NAALADL2: variants seen among roughly 807,000 people sequenced by gnomAD.
NAALADL2 encodes the protein N-acetylated alpha-linked acidic dipeptidase like 2, also known as inactive N-acetylated-alpha-linked acidic dipeptidase-like protein 2.
In NAALADL2, 76 loss-of-function variants were observed where a neutral mutation model predicts 87.2. The ratio of observed to expected loss-of-function variants is 0.87; its 90% CI spans 0.72 to 1.05. The LOEUF (loss-of-function observed/expected upper bound fraction) is 1.05. Ranked by LOEUF, NAALADL2 falls within the 50% of genes least tolerant of loss-of-function variation. The pLI, the probability that NAALADL2 is intolerant of heterozygous loss-of-function variation, is 0.00. For missense variants in NAALADL2, 1,089 were observed against 945.8 expected (o/e 1.15, Z -1.99); for synonymous variants, 354 against 331.0 (o/e 1.07, Z -0.75).
At chr3:175,455,619 T>C (rs750522329) in intron 6 of NAALADL2, among the ~76,000 whole-genome samples, 1 of 152,106 alleles carries the variant, frequency 6.6e-6, no homozygotes, top group African/African-American at 2.4e-5. Context: ...TACTTGCACA[T>C]ATGGATGTGA....
At chr3:175,612,133 T>C (rs886839942) in intron 10 of NAALADL2, among the ~76,000 whole-genome samples, 26 of 152,168 alleles carry the variant, frequency 1.7e-4, no homozygotes, top group African/African-American at 6.3e-4. Context: ...AATAGAAATA[T>C]ATACATAATT....
At chr3:174,443,728 A>G (rs555709510) in intron 1 of NAALADL2, among the ~76,000 whole-genome samples, 6 of 152,298 alleles carry the variant, frequency 3.9e-5, no homozygotes, top group Admixed American at 6.5e-5. Context: ...CGTCAGCATT[A>G]TGAGATGAGG....
intron 2 of NAALADL2, among the ~76,000 whole-genome samples, chr3:174,571,429 T>G (rs1022562505): frequency 2.0e-5 from 3 of 151,936 alleles, no homozygotes; most frequent in Non-Finnish European, 4.4e-5. Context: ...CAGGCTGGAG[T>G]GTAATGGCGT....
At chr3:175,249,906 C>T (rs1052689445) in intron 3 of NAALADL2, among the ~76,000 whole-genome samples, 6 of 152,084 alleles carry the variant, frequency 3.9e-5, no homozygotes, top group Non-Finnish European at 7.4e-5. Context: ...CAGTGGCTCA[C>T]GCCTGTAATC....
chr3:175,087,318 C>T (rs932539505), intron 1 of NAALADL2, among the ~76,000 whole-genome samples: 2 of 152,286 alleles, frequency 1.3e-5, no homozygotes, highest in Middle Eastern at 3.4e-3. Flanking sequence ...CTGCCCCTTC[C>T]GGGAAGGAGG....
chr3:175,191,261 A>T (rs6776395), intron 2 of NAALADL2, among the ~76,000 whole-genome samples: 4,464 of 152,214 alleles, frequency 0.029, 198 homozygotes, highest in African/African-American at 0.1. Context: ...TATTTTTTTA[A>T]AAAATCCCAA....
intron 3 of NAALADL2, among the ~76,000 whole-genome samples, chr3:175,252,680 C>T (rs1017062690): frequency 1.3e-5 from 2 of 152,138 alleles, no homozygotes; most frequent in Admixed American, 1.3e-4. Context: ...CAAGCTAGAT[C>T]CCTTGTGTCA....
At chr3:174,532,736 C>T (rs1455751820) in intron 1 of NAALADL2, among the ~76,000 whole-genome samples, 2 of 151,984 alleles carry the variant, frequency 1.3e-5, no homozygotes, top group South Asian at 2.1e-4. Flanking sequence ...CTTTACTGAA[C>T]GTTCTTAGCT....
chr3:174,475,995 A>AAAAC (rs1473218706), intron 1 of NAALADL2, among the ~76,000 whole-genome samples: 22 of 152,092 alleles, frequency 1.4e-4, no homozygotes, highest in Non-Finnish European at 1.0e-4. Context: ...ATAACACTGT[A>AAAAC]TTAGATCTTA....
chr3:175,051,586 C>G lies in NAALADL2; in HGVS notation c.44-45204C>G, dbSNP rs188561490. Among the ~76,000 whole-genome samples, 458 of 152,310 alleles carry G rather than the reference C, an allele frequency of 3.0e-3. 1 individual carries two copies. Among genetic ancestry groups the G allele is most frequent in the African/African-American group, 0.01 (431 of 41,576 alleles). On this transcript the variant is annotated intron_variant, in intron 1 of 13. Transcript: ENST00000454872. ...TTCTTCAAGGTCAGCAGAAGAGTCT[C>G]TCGATCAGTTAGCTAAGGCAGAGGT...
At chr3:175,274,112 G>C (rs1753245335) in intron 4 of NAALADL2, among the ~76,000 whole-genome samples, 1 of 152,144 alleles carries the variant, frequency 6.6e-6, no homozygotes, top group Non-Finnish European at 1.5e-5. Flanking sequence ...TTGACTCACT[G>C]TTCCACGTGG....
At chr3:174,815,285 G>C (rs1024389161) in intron 3 of NAALADL2, among the ~76,000 whole-genome samples, 1 of 152,136 alleles carries the variant, frequency 6.6e-6, no homozygotes, top group African/African-American at 2.4e-5. Context: ...TAAGATCAGG[G>C]TTTTGGCAGG....
intron 9 of NAALADL2, among the ~76,000 whole-genome samples, chr3:175,485,242 G>C (rs564981880): frequency 5.3e-5 from 8 of 152,284 alleles, no homozygotes; most frequent in Non-Finnish European, 1.2e-4. Context: ...GATGGTGTTT[G>C]GAAGTGGGAC....
At chr3:175,676,193 T>G (rs1051050469) in intron 11 of NAALADL2, 3 of 152,100 alleles carry the variant, frequency 2.0e-5, no homozygotes, top group Admixed American at 6.6e-5. Flanking sequence ...CAAATAACAT[T>G]TGTGGTCTCT....
At chr3:174,861,297 G>A (rs1172037233) in intron 1 of NAALADL2, among the ~76,000 whole-genome samples, 5 of 151,996 alleles carry the variant, frequency 3.3e-5, no homozygotes, top group East Asian at 1.9e-4. Context: ...AAAAAGAACC[G>A]ATGGTAGTTC....
intron 10 of NAALADL2, among the ~76,000 whole-genome samples, chr3:175,593,186 G>A (rs1721771498): frequency 6.6e-6 from 1 of 151,924 alleles, no homozygotes; most frequent in Non-Finnish European, 1.5e-5. Context: ...AAAGCCCCCA[G>A]TATGTGTTGC....
intron 2 of NAALADL2, among the ~76,000 whole-genome samples, chr3:175,209,159 T>C (rs2109245603): frequency 6.6e-6 from 1 of 152,262 alleles, no homozygotes; most frequent in East Asian, 1.9e-4. Context: ...ATAAAACATG[T>C]CGTCTGTTCC....
intron 2 of NAALADL2, among the ~76,000 whole-genome samples, chr3:174,641,472 G>A (rs1397459263): frequency 6.6e-6 from 1 of 152,170 alleles, no homozygotes; most frequent in Non-Finnish European, 1.5e-5. Context: ...GAAAATGCAT[G>A]AAGTCCAAAG....
chr3:175,053,417 G>A (rs1755674010), intron 1 of NAALADL2, among the ~76,000 whole-genome samples: 1 of 152,100 alleles, frequency 6.6e-6, no homozygotes, highest in Non-Finnish European at 1.5e-5. Context: ...GGTTGGCTGT[G>A]TTCAATGGGT....
Sources: gnomAD v4.1 joint callset for allele counts (sites outside exome capture counted in the v4.1 genomes callset) on GRCh38, gnomAD v4.1.1 for gene constraint, MANE v1.5 for transcripts, NCBI Gene and HGNC (gene_info 2026-07-23, HGNC 2026-07-21) for gene names.